Variants in ATRNL1 observed in about 807,000 individuals in gnomAD.
ATRNL1 encodes attractin-like protein 1.
ATRNL1 carries 95 observed loss-of-function variants against 182.7 expected under a neutral mutation model. The ratio of observed to expected loss-of-function variants is 0.52; its 90% CI spans 0.44 to 0.62. The LOEUF is 0.62. Ranked by LOEUF, ATRNL1 falls within the 20% of genes least tolerant of loss-of-function variation. The pLI is 0.00. For missense variants in ATRNL1, 1,471 were observed against 1,679.5 expected, an observed-to-expected ratio of 0.88 and a Z score of 2.17; for synonymous variants, 576 against 568.3, an observed-to-expected ratio of 1.01 and a Z score of -0.19.
At chr10:115,479,148 T>C (rs913132775) in intron 24 of ATRNL1, among the ~76,000 whole-genome samples, 10 of 151,636 alleles carry the variant, frequency 6.6e-5, no homozygotes, top group African/African-American at 2.4e-4. Context: ...GGAATAGATA[T>C]CTTTGTTAAG....
At chr10:115,340,223 A>T (rs1554937862) in intron 19 of ATRNL1, among the ~76,000 whole-genome samples, 1 of 152,310 alleles carries the variant, frequency 6.6e-6, no homozygotes, top group South Asian at 2.1e-4. Flanking sequence ...AGCTCACTGC[A>T]ACCTCCACCT....
intron 26 of ATRNL1, among the ~76,000 whole-genome samples, chr10:115,672,747 A>G (rs1295574165): frequency 6.6e-6 from 1 of 152,066 alleles, no homozygotes; most frequent in Non-Finnish European, 1.5e-5. Context: ...ACATTGGCCA[A>G]TTTTTGTCTT....
At chr10:115,591,973 A>G (rs1855936047) in intron 26 of ATRNL1, among the ~76,000 whole-genome samples, 1 of 152,240 alleles carries the variant, frequency 6.6e-6, no homozygotes, top group South Asian at 2.1e-4. Context: ...CATGTACAAC[A>G]TGGAATACTA....
chr10:115,677,176 T>C (rs1220273739), intron 26 of ATRNL1, among the ~76,000 whole-genome samples: 1 of 152,112 alleles, frequency 6.6e-6, no homozygotes, highest in African/African-American at 2.4e-5. Flanking sequence ...TGTGTGTACA[T>C]AGTCTCATGG....
chr10:115,353,895 CT>C (rs1856383487), intron 19 of ATRNL1, among the ~76,000 whole-genome samples: 1 of 152,170 alleles, frequency 6.6e-6, no homozygotes, highest in Non-Finnish European at 1.5e-5. Flanking sequence ...CTCCCTCCTA[CT>C]TTTTGACTTT....
chr10:115,863,244 A>G (rs1555103870), intron 28 of ATRNL1, among the ~76,000 whole-genome samples: 2 of 152,188 alleles, frequency 1.3e-5, no homozygotes, highest in Non-Finnish European at 2.9e-5. Flanking sequence ...ACGAACTGTA[A>G]AAAATGAACC....
chr10:115,581,943 G>A (rs1276932823), intron 26 of ATRNL1, among the ~76,000 whole-genome samples: 1 of 131,516 alleles, frequency 7.6e-6, no homozygotes, highest in African/African-American at 3.0e-5. Flanking sequence ...CCCTTCCTGT[G>A]TCCATGTGAT....
chr10:115,164,838 G>T (rs1846965012), intron 6 of ATRNL1, among the ~76,000 whole-genome samples: 1 of 152,054 alleles, frequency 6.6e-6, no homozygotes, highest in East Asian at 1.9e-4. Flanking sequence ...CAGGGAGAAG[G>T]GGACAAAGAG....
intron 8 of ATRNL1, among the ~76,000 whole-genome samples, chr10:115,177,348 A>T (rs1416340772): frequency 2.0e-5 from 3 of 152,176 alleles, no homozygotes; most frequent in African/African-American, 4.8e-5. Context: ...TTTCAAGGAA[A>T]TGTGTTTGAA....
chr10:115,355,219 C>T (rs559084220), intron 19 of ATRNL1, among the ~76,000 whole-genome samples: 9 of 152,068 alleles, frequency 5.9e-5, no homozygotes, highest in Non-Finnish European at 1.2e-4. Flanking sequence ...GATATATGAG[C>T]GTTAAAAATT....
At chr10:115,855,146 A>G (rs1951150683) in intron 28 of ATRNL1, among the ~76,000 whole-genome samples, 1 of 152,178 alleles carries the variant, frequency 6.6e-6, no homozygotes, top group Admixed American at 6.5e-5. Context: ...TTCATGTATA[A>G]CATTAGAAAA....
intron 8 of ATRNL1, among the ~76,000 whole-genome samples, chr10:115,176,509 A>C (rs933367894): frequency 6.6e-6 from 1 of 152,088 alleles, no homozygotes; most frequent in Non-Finnish European, 1.5e-5. Context: ...GAATTAGTCG[A>C]TCTGTTGGAT....
intron 27 of ATRNL1, among the ~76,000 whole-genome samples, chr10:115,847,672 C>T (rs917018167): frequency 2.0e-5 from 3 of 152,064 alleles, no homozygotes. Flanking sequence ...AGCTGCTCGT[C>T]AAATATAGTG....
intron 28 of ATRNL1, among the ~76,000 whole-genome samples, chr10:115,868,552 C>T (rs930027744): frequency 6.6e-6 from 1 of 152,158 alleles, no homozygotes; most frequent in Non-Finnish European, 1.5e-5. Context: ...GTCAATGCTT[C>T]ACTGAATGAA....
intron 19 of ATRNL1, among the ~76,000 whole-genome samples, chr10:115,351,760 T>TTTTGTTTTGG (rs541291284): frequency 3.6e-4 from 55 of 152,136 alleles, no homozygotes; most frequent in African/African-American, 1.3e-3. Flanking sequence ...TTTTGTTTTG[T>TTTTGTTTTGG]TTTGTTTTGT....
intron 26 of ATRNL1, among the ~76,000 whole-genome samples, chr10:115,609,952 C>A (rs971260811): frequency 5.3e-5 from 8 of 152,026 alleles, no homozygotes; most frequent in African/African-American, 1.9e-4. Context: ...GTTTGTGAGT[C>A]TAATCATGTG....
chr10:115,646,065 A>ACACACACT (rs1479580077), intron 26 of ATRNL1, among the ~76,000 whole-genome samples: 1 of 151,742 alleles, frequency 6.6e-6, no homozygotes, highest in African/African-American at 2.4e-5. Flanking sequence ...ACACACACAC[A>ACACACACT]CACAAACATA....
chr10:115,237,738 A>G (rs1186241214), intron 9 of ATRNL1, among the ~76,000 whole-genome samples: 1 of 152,142 alleles, frequency 6.6e-6, no homozygotes, highest in Non-Finnish European at 1.5e-5. Flanking sequence ...TAGAGTCCAA[A>G]TTATGACTTT....
chr10:115,336,463 G>A (rs782697608), intron 19 of ATRNL1, among the ~76,000 whole-genome samples: 102 of 152,054 alleles, frequency 6.7e-4, no homozygotes, highest in Admixed American at 7.9e-4. Flanking sequence ...ATTTTCCATG[G>A]CCATACATTT....
Sources: gnomAD v4.1 joint callset for allele counts (sites outside exome capture counted in the v4.1 genomes callset) on GRCh38, gnomAD v4.1.1 for gene constraint, MANE v1.5 for transcripts, NCBI Gene and HGNC (gene_info 2026-07-23, HGNC 2026-07-21) for gene names.